KIDINS220: variants seen among roughly 807,000 people sequenced by gnomAD.
KIDINS220 encodes the protein kinase D-interacting substrate of 220 kDa.
Under a neutral mutation model 157.6 loss-of-function variants are expected in KIDINS220, and 63 were observed. The observed-to-expected ratio is 0.40, with a 90% confidence interval of 0.33 to 0.49. KIDINS220 has a LOEUF of 0.49. Among genes scored for constraint, KIDINS220 ranks in the 20% least tolerant of loss-of-function variants. The pLI, the probability that KIDINS220 is intolerant of heterozygous loss-of-function variation, is 0.66. For synonymous variants in KIDINS220, 732 were observed against 783.6 expected (o/e 0.93, Z 1.10); for missense variants, 1,772 against 2,171.2 (o/e 0.82, Z 3.65).
chr2:8,831,551 C>A (rs1400729897), intron 1 of KIDINS220, among the ~76,000 whole-genome samples: 2 of 152,202 alleles, frequency 1.3e-5, no homozygotes, highest in East Asian at 3.8e-4. Flanking sequence ...CTGCTTACCC[C>A]AAGCTGGGCC....
intron 9 of KIDINS220, among the ~76,000 whole-genome samples, chr2:8,798,666 G>C (rs1674294135): frequency 6.6e-6 from 1 of 152,154 alleles, no homozygotes; most frequent in Admixed American, 6.5e-5. Context: ...CATGCTGTAA[G>C]TATTGCCCAA....
Position 8,729,384 on chromosome 2 carries a change from C to A in KIDINS220, c.*1336G>T. On this transcript the variant is annotated 3_prime_UTR_variant, in exon 30 of 30. Coordinates refer to ENST00000256707, the MANE Select transcript of KIDINS220 (RefSeq NM_020738.4). ...AGATAATAGCGCATCTGCGATCTCA[C>A]CATCTACCGTCCTAACTGTGACTTG... 1 of 985,460 alleles carries A rather than the reference C, an allele frequency of 1.0e-6. No homozygotes were observed. 61.0% of individuals were successfully genotyped at this position (985,460 alleles called of 1,614,324 possible).
chr2:8,723,900 G>C (rs1339883880), downstream of KIDINS220: 1 of 152,242 alleles, frequency 6.6e-6, no homozygotes, highest in Non-Finnish European at 1.5e-5. Flanking sequence ...AAATGATGGA[G>C]CTTATCAAGA....
intron 7 of KIDINS220, among the ~76,000 whole-genome samples, chr2:8,804,033 T>A: frequency 6.6e-6 from 1 of 152,218 alleles, no homozygotes; most frequent in East Asian, 1.9e-4. Context: ...CTTTTCAAAT[T>A]CTTGAGCCAT....
chr2:8,803,570 AC>A (rs1675024886), intron 7 of KIDINS220, among the ~76,000 whole-genome samples: 2 of 152,224 alleles, frequency 1.3e-5, no homozygotes, highest in South Asian at 4.1e-4. Flanking sequence ...CATAAAAAAC[AC>A]TAAAGTAAAC....
chr2:8,751,256 C>CTT (rs74858222), intron 23 of KIDINS220, among the ~76,000 whole-genome samples: 9 of 135,750 alleles, frequency 6.6e-5, no homozygotes, highest in African/African-American at 1.3e-4. Context: ...ACAGGATTTT[C>CTT]TTTTTTTTTT....
chr2:8,755,554 C>G (rs1667903948), intron 22 of KIDINS220, among the ~76,000 whole-genome samples: 1 of 152,158 alleles, frequency 6.6e-6, no homozygotes, highest in African/African-American at 2.4e-5. Flanking sequence ...AGAACTCTAC[C>G]CCTTTAAAAT....
At chr2:8,753,766 T>C (rs887848047) in intron 22 of KIDINS220, among the ~76,000 whole-genome samples, 1 of 152,222 alleles carries the variant, frequency 6.6e-6, no homozygotes, top group Non-Finnish European at 1.5e-5. Flanking sequence ...TCAGACCCAA[T>C]ACTTGGCTAG....
chr2:8,733,909 T>A (rs1664498800), intron 28 of KIDINS220, among the ~76,000 whole-genome samples: 1 of 152,194 alleles, frequency 6.6e-6, no homozygotes, highest in Non-Finnish European at 1.5e-5. Context: ...TACACTGCAA[T>A]TTGTCCATTA....
At chr2:8,820,796 T>A (rs757101156) in intron 2 of KIDINS220, among the ~76,000 whole-genome samples, 6 of 152,220 alleles carry the variant, frequency 3.9e-5, no homozygotes, top group Non-Finnish European at 8.8e-5. Context: ...AAAAGTTATG[T>A]TTAGAATTCT....
At chr2:8,816,596 T>C (rs1677112121) in intron 4 of KIDINS220, among the ~76,000 whole-genome samples, 1 of 152,212 alleles carries the variant, frequency 6.6e-6, no homozygotes, top group Non-Finnish European at 1.5e-5. Context: ...TCTGATAATC[T>C]GGTAAGGTAC....
At chr2:8,813,652 G>A (rs903947656) in intron 4 of KIDINS220, among the ~76,000 whole-genome samples, 3 of 152,114 alleles carry the variant, frequency 2.0e-5, no homozygotes, top group African/African-American at 2.4e-5. Context: ...GGCTGGGTGC[G>A]GTGGCTCATG....
At chr2:8,787,660 C>G (rs1672612551) in intron 15 of KIDINS220, among the ~76,000 whole-genome samples, 1 of 151,942 alleles carries the variant, frequency 6.6e-6, no homozygotes, top group African/African-American at 2.4e-5. Flanking sequence ...GCCACCACAT[C>G]TGGCTTAATA....
chr2:8,791,559 A>ATCATGCTT (rs1250291899), intron 12 of KIDINS220, among the ~76,000 whole-genome samples: 3 of 152,330 alleles, frequency 2.0e-5, no homozygotes, highest in Non-Finnish European at 4.4e-5. Context: ...AAATTGTGAC[A>ATCATGCTT]TCATGCTTTC....
At chr2:8,797,163 G>A (rs1375635015) in intron 10 of KIDINS220, among the ~76,000 whole-genome samples, 1 of 152,108 alleles carries the variant, frequency 6.6e-6, no homozygotes, top group East Asian at 1.9e-4. Context: ...ACTGACCTGG[G>A]GCAGCTCCCC....
intron 2 of KIDINS220, among the ~76,000 whole-genome samples, chr2:8,824,176 A>G (rs960623519): frequency 6.6e-6 from 1 of 152,200 alleles, no homozygotes; most frequent in African/African-American, 2.4e-5. Context: ...TAGAAAATAT[A>G]TACCAGAATA....
intron 21 of KIDINS220, among the ~76,000 whole-genome samples, chr2:8,772,264 T>C (rs930635409): frequency 2.0e-5 from 3 of 151,958 alleles, no homozygotes; most frequent in Non-Finnish European, 2.9e-5. Flanking sequence ...CCATTTGAGG[T>C]CAGGAGTTCA....
chr2:8,831,199 A>G (rs1679561857), intron 1 of KIDINS220, among the ~76,000 whole-genome samples: 1 of 152,214 alleles, frequency 6.6e-6, no homozygotes, highest in South Asian at 2.1e-4. Context: ...TTTGCTCTCC[A>G]CTGAGCAGAG....
chr2:8,773,108 CTAA>C (rs1377498220), intron 21 of KIDINS220, among the ~76,000 whole-genome samples: 2 of 152,164 alleles, frequency 1.3e-5, no homozygotes, highest in Non-Finnish European at 2.9e-5. Context: ...GGCAATGAAA[CTAA>C]TGGTGTTAGG....
Sources: gnomAD v4.1 joint callset for allele counts (sites outside exome capture counted in the v4.1 genomes callset) on GRCh38, gnomAD v4.1.1 for gene constraint, MANE v1.5 for transcripts, NCBI Gene and HGNC (gene_info 2026-07-23, HGNC 2026-07-21) for gene names.